The following PBX3 variants were observed in gnomAD, a reference collection of about 807,000 sequenced individuals.
The protein encoded by PBX3 is pre-B-cell leukemia transcription factor 3.
Under a neutral mutation model 48.5 loss-of-function variants are expected in PBX3, and 14 were observed. That is an observed-to-expected ratio of 0.29 (90% confidence interval 0.19 to 0.45). The LOEUF (loss-of-function observed/expected upper bound fraction) is 0.45, where lower values mean the gene tolerates loss of function less well. Ranked by LOEUF, PBX3 falls within the 20% of genes least tolerant of loss-of-function variation. The pLI is 1.00. For synonymous variants in PBX3, 210 were observed against 200.3 expected (o/e 1.05, Z -0.41); for missense variants, 386 against 546.7 (o/e 0.71, Z 2.93).
At chr9:125,945,015 G>T (rs879748519) in intron 5 of PBX3, among the ~76,000 whole-genome samples, 2 of 152,110 alleles carry the variant, frequency 1.3e-5, no homozygotes, top group Non-Finnish European at 2.9e-5. Flanking sequence ...TTGAGGTCAG[G>T]AGTTCAATAC....
intron 2 of PBX3, among the ~76,000 whole-genome samples, chr9:125,753,416 A>G (rs1490631809): frequency 6.6e-6 from 1 of 152,058 alleles, no homozygotes; most frequent in African/African-American, 2.4e-5. Context: ...AAAATAGCAC[A>G]TATAATACAT....
intron 2 of PBX3, among the ~76,000 whole-genome samples, chr9:125,796,662 G>T (rs1278797239): frequency 2.0e-5 from 3 of 152,068 alleles, no homozygotes; most frequent in Admixed American, 6.6e-5. Context: ...CATAGGTTGA[G>T]CCCATCCACT....
At chr9:125,872,913 A>C (rs1840160791) in intron 2 of PBX3, among the ~76,000 whole-genome samples, 1 of 151,492 alleles carries the variant, frequency 6.6e-6, no homozygotes, top group African/African-American at 2.4e-5. Flanking sequence ...AATTGACAGA[A>C]TTTCGGCTGG....
chr9:125,795,626 A>G (rs1837755826), intron 2 of PBX3, among the ~76,000 whole-genome samples: 1 of 152,108 alleles, frequency 6.6e-6, no homozygotes. Flanking sequence ...ATCAGATTCC[A>G]CTATTAATAT....
intron 8 of PBX3, among the ~76,000 whole-genome samples, chr9:125,964,398 G>A (rs1044248320): frequency 3.9e-5 from 6 of 152,118 alleles, no homozygotes; most frequent in African/African-American, 1.4e-4. Flanking sequence ...CATACCTGAG[G>A]GGGGAAACAG....
intron 2 of PBX3, among the ~76,000 whole-genome samples, chr9:125,755,541 T>C (rs1836490961): frequency 6.6e-6 from 1 of 152,134 alleles, no homozygotes; most frequent in African/African-American, 2.4e-5. Context: ...TCCCCATTGC[T>C]AATGCCCTAG....
rs1214244348 is a variant in PBX3, at chr9:125,935,499, G to A, written c.735G>A (p.Gln245=). 6.2e-7 allele frequency: 1 copy of A among 1,613,604 alleles called. No homozygotes were observed. The highest frequency in any genetic ancestry group is 2.2e-5 in the East Asian group (1 of 44,866). Reference sequence around the variant, plus strand: ...GGAAAAGGCGTAACTTCAGTAAACAGGCCACAGAAATCTTGAATGAATATT... The same window carrying A: ...GGAAAAGGCGTAACTTCAGTAAACAAGCCACAGAAATCTTGAATGAATATT... The part of the protein sequence containing the change: ...ARRKRRNFSK[Q]ATEILNEYFY... Residue 245 remains glutamine (Q), a synonymous_variant, in exon 5 of 9, where the codon CAG becomes CAA. Transcript: ENST00000373489.
At chr9:125,851,351 A>T (rs1049889873) in intron 2 of PBX3, among the ~76,000 whole-genome samples, 3 of 152,110 alleles carry the variant, frequency 2.0e-5, no homozygotes, top group Non-Finnish European at 4.4e-5. Context: ...TGCCATTCGC[A>T]GATTGTGTCC....
intron 3 of PBX3, among the ~76,000 whole-genome samples, chr9:125,925,451 C>G (rs1357181775): frequency 6.6e-6 from 1 of 151,840 alleles, no homozygotes; most frequent in Non-Finnish European, 1.5e-5. Flanking sequence ...TTCTTTGTTT[C>G]TTTCTTTCTT....
intron 2 of PBX3, among the ~76,000 whole-genome samples, chr9:125,792,407 A>C (rs924877547): frequency 1.3e-5 from 2 of 152,196 alleles, no homozygotes; most frequent in African/African-American, 4.8e-5. Context: ...TGTAGGAGGT[A>C]GCCAGAAGGT....
intron 2 of PBX3, among the ~76,000 whole-genome samples, chr9:125,819,193 T>G (rs1838571506): frequency 1.3e-5 from 2 of 152,112 alleles, no homozygotes. Flanking sequence ...TAAAACTATT[T>G]TTTTACTTTT....
intron 2 of PBX3, among the ~76,000 whole-genome samples, chr9:125,778,235 T>A (rs1837130105): frequency 6.6e-6 from 1 of 151,716 alleles, no homozygotes; most frequent in South Asian, 2.1e-4. Flanking sequence ...GTGCTTGGAT[T>A]ACAGGTGTGA....
At chr9:125,807,886 T>C (rs1024394625) in intron 2 of PBX3, among the ~76,000 whole-genome samples, 1 of 152,242 alleles carries the variant, frequency 6.6e-6, no homozygotes, top group Admixed American at 6.5e-5. Flanking sequence ...GAGACATCTC[T>C]TTATAAATCA....
intron 2 of PBX3, among the ~76,000 whole-genome samples, chr9:125,805,585 G>A (rs138668458): frequency 7.0e-4 from 107 of 152,288 alleles, no homozygotes; most frequent in African/African-American, 2.5e-3. Flanking sequence ...CAGTAAAGAC[G>A]GAGATAAATG....
intron 2 of PBX3, among the ~76,000 whole-genome samples, chr9:125,902,193 T>A (rs1033031546): frequency 6.6e-6 from 1 of 151,614 alleles, no homozygotes; most frequent in Non-Finnish European, 1.5e-5. Context: ...AAAATTAGAC[T>A]GAATTTTTAG....
At chr9:125,796,171 A>G (rs563679265) in intron 2 of PBX3, among the ~76,000 whole-genome samples, 1 of 152,220 alleles carries the variant, frequency 6.6e-6, no homozygotes. Flanking sequence ...GCATGTATTC[A>G]GTTCACTGCC....
At chr9:125,868,118 G>C (rs1840033682) in intron 2 of PBX3, among the ~76,000 whole-genome samples, 1 of 151,278 alleles carries the variant, frequency 6.6e-6, no homozygotes, top group Non-Finnish European at 1.5e-5. Flanking sequence ...CAAGTGATCT[G>C]GTCAACTCGG....
chr9:125,781,588 A>G (rs988513489), intron 2 of PBX3, among the ~76,000 whole-genome samples: 1 of 149,300 alleles, frequency 6.7e-6, no homozygotes, highest in Non-Finnish European at 1.5e-5. Context: ...GGGAGAGGCG[A>G]GAGGCGAGAG....
intron 2 of PBX3, among the ~76,000 whole-genome samples, chr9:125,870,657 T>C (rs1019118010): frequency 6.6e-6 from 1 of 152,192 alleles, no homozygotes; most frequent in Non-Finnish European, 1.5e-5. Flanking sequence ...CCAAACCCTA[T>C]CACCATGTAA....
Sources: gnomAD v4.1 joint callset for allele counts (sites outside exome capture counted in the v4.1 genomes callset) on GRCh38, gnomAD v4.1.1 for gene constraint, MANE v1.5 for transcripts, NCBI Gene and HGNC (gene_info 2026-07-23, HGNC 2026-07-21) for gene names.